The following ANKRD30A variants were observed in gnomAD, a reference collection of about 807,000 sequenced individuals.
ANKRD30A encodes the protein ankyrin repeat domain-containing protein 30A.
In ANKRD30A, 170 loss-of-function variants were observed where a neutral mutation model predicts 166.3. The ratio of observed to expected loss-of-function variants is 1.02; its 90% CI spans 0.90 to 1.16. The LOEUF (loss-of-function observed/expected upper bound fraction) is 1.16, where lower values mean the gene tolerates loss of function less well. Ranked by LOEUF, ANKRD30A falls within the 50% of genes most tolerant of loss-of-function variation. The pLI is 0.00. For missense variants in ANKRD30A, 1,630 were observed against 1,518.0 expected (o/e 1.07, Z -1.23); for synonymous variants, 564 against 508.9 (o/e 1.11, Z -1.46).
chr10:37,220,393 A>G (rs1214276601), intron 34 of ANKRD30A, among the ~76,000 whole-genome samples: 1 of 151,124 alleles, frequency 6.6e-6, no homozygotes, highest in Non-Finnish European at 1.5e-5. Flanking sequence ...TGAAGTATAC[A>G]TTTCTGCGTC....
In ANKRD30A at chr10:37,158,622, A is replaced by G. The variant is rs183567476; in HGVS notation, c.1900+36A>G. ...TAATTTTAATTTTACTCTGGAAAGG[A>G]GAATATTAAAATATTTGAAATGCTG... is the stretch of plus-strand genomic sequence containing the variant. On this transcript the variant is annotated intron_variant, in intron 15 of 35. Transcript: ENST00000361713. 135 of 1,604,604 alleles carry G rather than the reference A, an allele frequency of 8.4e-5. No homozygotes were observed. In the African/African-American group the frequency reaches 1.3e-3, roughly 16 times the overall value.
chr10:37,232,654 T>TATATATATATATATA (rs71007625), downstream of ANKRD30A: 174 of 54,178 alleles, frequency 3.2e-3, 11 homozygotes, highest in South Asian at 5.3e-3. Context: ...AGCATTGGTT[T>TATATATATATATATA]TATATATATA....
intron 1 of ANKRD30A, among the ~76,000 whole-genome samples, chr10:37,129,037 C>T (rs1836225833): frequency 6.6e-6 from 1 of 152,080 alleles, no homozygotes; most frequent in South Asian, 2.1e-4. Flanking sequence ...TTTTCTTTGG[C>T]TTGAAGCTTT....
chr10:37,192,506 G>T (rs1588888153), intron 25 of ANKRD30A, among the ~76,000 whole-genome samples: 2 of 152,042 alleles, frequency 1.3e-5, no homozygotes, highest in African/African-American at 4.8e-5. Flanking sequence ...AAGTAGAAAT[G>T]CTGCTAAATT....
intron 18 of ANKRD30A, 45 bp downstream of exon 18, chr10:37,165,200 A>C: frequency 6.6e-7 from 1 of 1,518,206 alleles, no homozygotes; most frequent in South Asian, 1.1e-5. Flanking sequence ...ATTGCATGAT[A>C]TGAAAACATA....
intron 12 of ANKRD30A, among the ~76,000 whole-genome samples, chr10:37,152,792 G>T (rs1173764933): frequency 6.6e-6 from 1 of 152,068 alleles, no homozygotes; most frequent in East Asian, 1.9e-4. Context: ...GTATTTTAAG[G>T]TCACAACTGT....
intron 11 of ANKRD30A, among the ~76,000 whole-genome samples, chr10:37,151,222 G>T (rs1346380242): frequency 1.3e-5 from 2 of 152,044 alleles, no homozygotes; most frequent in Admixed American, 6.6e-5. Context: ...TTTGTACTTT[G>T]TACTGATAAA....
chr10:37,132,125 T>A, intron 3 of ANKRD30A, 115 bp from the exon 4 acceptor site: 1 of 635,200 alleles, frequency 1.6e-6, no homozygotes, highest in South Asian at 3.5e-5. Context: ...AAGGGACTGC[T>A]ATTGATTTAC....
In ANKRD30A at chr10:37,147,422, A is replaced by G. The variant is rs1173388977; in HGVS notation, c.1508A>G (p.Tyr503Cys). The part of the protein sequence containing the change: ...KIQVCIPESI[Y>C]QKVMEINREV... ...CAAGTGTGTATACCTGAGTCTATAT[A>G]TCAAAAAGTAATGGAGATAAATAGA... The change falls in exon 9 of 36, where the codon TAT becomes TGT. Residue 503 changes from tyrosine (Y) to cysteine (C), a missense_variant. Around this residue, in one of 4 missense-constraint regions of ANKRD30A, gnomAD observed 904 missense variants for 818.5 expected, o/e 1.10. Coordinates refer to ENST00000361713, the MANE Select transcript of ANKRD30A (RefSeq NM_052997.3). 6.3e-7 allele frequency: 1 copy of G among 1,596,132 alleles called. No individual in the cohort carries two copies. The highest frequency in any genetic ancestry group is 8.5e-7 in the Non-Finnish European group (1 of 1,172,052).
intron 17 of ANKRD30A, 33 bp from the exon 18 acceptor site, chr10:37,165,061 C>A: frequency 6.3e-7 from 1 of 1,581,558 alleles, no homozygotes; most frequent in South Asian, 1.1e-5. Context: ...GAGAACTGTG[C>A]TCATGAATGT....
Position 37,219,782 on chromosome 10 carries a change from T to C in ANKRD30A, c.4070T>C (p.Leu1357Pro). ...KSKITIDIHF[L>P]ERKMQHHLLK... ...AAGATAACAATTGATATTCATTTTC[T>C]TGAGAGGAAAATGCAACATCATCTC... Residue 1357 changes from leucine to proline, a missense_variant, in exon 34 of 36, where the codon CTT becomes CCT. This residue lies in a region of ANKRD30A where 712 missense variants were observed against 629.3 expected (regional missense o/e 1.13). Transcript: ENST00000361713. The C allele has an allele frequency of 1.2e-6, 2 of 1,607,716 alleles. No individual in the cohort carries two copies. The highest frequency in any genetic ancestry group is 1.7e-6 in the Non-Finnish European group (2 of 1,176,220).
At chr10:37,232,182 A>G (rs904635957) in intron 35 of ANKRD30A, among the ~76,000 whole-genome samples, 1 of 152,082 alleles carries the variant, frequency 6.6e-6, no homozygotes, top group African/African-American at 2.4e-5. Context: ...TGAAGTAAAT[A>G]AACATGGAAC....
intron 1 of ANKRD30A, 23 bp downstream of exon 1, chr10:37,126,031 G>C: frequency 1.2e-6 from 2 of 1,611,798 alleles, no homozygotes; most frequent in Non-Finnish European, 1.7e-6. Flanking sequence ...GCCTGAGCCG[G>C]GGCTGCAGGA....
At chr10:37,201,200 C>A in intron 30 of ANKRD30A, 35 bp from the exon 31 acceptor site, 1 of 1,419,198 alleles carries the variant, frequency 7.0e-7, no homozygotes, top group South Asian at 1.4e-5. Context: ...TAGGATTTTT[C>A]CATTGAAATT....
rs1293845126 is a variant in ANKRD30A, at chr10:37,196,280, G to C, written c.2615-1001G>C. Reference sequence around the variant, plus strand: ...GGCACTCCAGAGACTACCGGAAGCAGGAGTCCTACTAGAATTGGGGGAACC... The same window carrying C: ...GGCACTCCAGAGACTACCGGAAGCACGAGTCCTACTAGAATTGGGGGAACC... On this transcript the variant is annotated intron_variant, in intron 27 of 35. Transcript: ENST00000361713. Among the ~76,000 whole-genome samples the C allele has an allele frequency of 6.6e-5, 10 of 151,896 alleles. 1 individual carries two copies. The highest frequency in any genetic ancestry group is 1.7e-4 in the African/African-American group (7 of 41,324).
At chr10:37,226,630 A>G (rs1441343723) in intron 34 of ANKRD30A, among the ~76,000 whole-genome samples, 1 of 151,806 alleles carries the variant, frequency 6.6e-6, no homozygotes, top group Non-Finnish European at 1.5e-5. Context: ...ATTTTGGGCT[A>G]ATATTAATAG....
downstream of ANKRD30A, among the ~76,000 whole-genome samples, chr10:37,237,017 A>G (rs992608530): frequency 3.3e-5 from 5 of 152,198 alleles, no homozygotes; most frequent in Admixed American, 2.6e-4. Context: ...TGTATTTCTA[A>G]TTTTAGGATT....
At position 37,162,708 on chromosome 10, in the gene ANKRD30A, A is replaced by G. The variant is rs773597219; in HGVS notation, c.1929+31A>G. 3 of 1,612,960 alleles carry G rather than the reference A, an allele frequency of 1.9e-6. No homozygotes were observed. In the South Asian group the frequency reaches 3.3e-5, roughly 18 times the overall value. On this transcript the variant is annotated intron_variant, in intron 16 of 35. Coordinates refer to ENST00000361713, the MANE Select transcript of ANKRD30A (RefSeq NM_052997.3). Reference sequence around the variant, plus strand: ...TAGTTTTATGATTTCATTTTGAATGACTTATTATCTATGTATTTTGTGAAG... The same window carrying G: ...TAGTTTTATGATTTCATTTTGAATGGCTTATTATCTATGTATTTTGTGAAG...
the ANKRD30A span, among the ~76,000 whole-genome samples, chr10:37,260,073 G>A: frequency 6.6e-6 from 1 of 151,906 alleles, no homozygotes; most frequent in Non-Finnish European, 1.5e-5. Context: ...ATGGATACCC[G>A]GGGGGTGGTT....
Sources: gnomAD v4.1 joint callset for allele counts (sites outside exome capture counted in the v4.1 genomes callset) on GRCh38, gnomAD v4.1.1 for gene constraint, gnomAD v4.1.1 regional missense constraint, MANE v1.5 for transcripts, NCBI Gene and HGNC (gene_info 2026-07-23, HGNC 2026-07-21) for gene names.